Variants in KDM4B observed in about 807,000 individuals in gnomAD.
The protein encoded by KDM4B is lysine demethylase 4B, also known as lysine-specific demethylase 4B.
A neutral mutation model predicts 125.2 loss-of-function variants in KDM4B; 32 were observed. The ratio of observed to expected loss-of-function variants is 0.26; its 90% confidence interval spans 0.19 to 0.34. The LOEUF (loss-of-function observed/expected upper bound fraction) is 0.34. KDM4B is among the 10% of genes least tolerant of loss of function. KDM4B has a pLI of 1.00. For synonymous variants in KDM4B, 721 were observed against 677.9 expected (o/e 1.06, Z -0.99); for missense variants, 1,190 against 1,577.7 (o/e 0.75, Z 4.16).
At chr19:5,106,403 A>G (rs2613740) in intron 9 of KDM4B, among the ~76,000 whole-genome samples, 91,770 of 152,104 alleles carry the variant, frequency 0.6, 27,939 homozygotes, top group African/African-American at 0.69. Context: ...TCCACGTTGC[A>G]CCCGTCATCT....
At chr19:5,073,731 CT>C (rs1480158631) in intron 7 of KDM4B, among the ~76,000 whole-genome samples, 2 of 152,158 alleles carry the variant, frequency 1.3e-5, no homozygotes, top group Non-Finnish European at 2.9e-5. Flanking sequence ...GGTTTGGTTT[CT>C]AAGTGTGCAG....
At chr19:5,117,237 G>C (rs893209244) in intron 10 of KDM4B, among the ~76,000 whole-genome samples, 17 of 151,692 alleles carry the variant, frequency 1.1e-4, no homozygotes, top group African/African-American at 3.9e-4. Context: ...ACACAGTAAG[G>C]CTTGAAGGCC....
At chr19:4,987,649 G>C (rs576865719) in intron 1 of KDM4B, among the ~76,000 whole-genome samples, 16 of 152,306 alleles carry the variant, frequency 1.1e-4, no homozygotes, top group African/African-American at 2.9e-4. Context: ...TGAGGGGCTT[G>C]TCCGGGATGG....
At chr19:5,014,757 A>G (rs1363620071) in intron 1 of KDM4B, among the ~76,000 whole-genome samples, 1 of 151,876 alleles carries the variant, frequency 6.6e-6, no homozygotes, top group Non-Finnish European at 1.5e-5. Flanking sequence ...CAACTTCGGG[A>G]GGCCGAGGTG....
rs563221209 is a variant in KDM4B at position 5,143,862 on chromosome 19, C to T, written c.2551-105C>T. On this transcript the variant is annotated intron_variant, in intron 18 of 22. Transcript: ENST00000159111. Reference sequence around the variant, plus strand: ...ACTGGGCAGAGCGCAGGGCCACTCCCGCGATGCCTCCCTTGAAGGCTGTGC... The same window carrying T: ...ACTGGGCAGAGCGCAGGGCCACTCCTGCGATGCCTCCCTTGAAGGCTGTGC... The T allele has an allele frequency of 7.1e-5, 66 of 926,282 alleles. No homozygotes were observed. The South Asian group carries it at 8.1e-4, about 11-fold the overall frequency. 57.4% of individuals were successfully genotyped at this position (926,282 alleles called of 1,614,324 possible). A position where few individuals can be genotyped will look rare whatever the true frequency, so the allele number is the denominator to read the frequency against.
chr19:5,143,983 G>T lies in KDM4B; in HGVS notation c.2567G>T (p.Arg856Leu), dbSNP rs151210479. Residue 856 changes from arginine to leucine, a missense_variant, in exon 19 of 23, where the codon CGG (arginine) becomes CTG (leucine). By Grantham distance (102) the Arg-to-Leu change is moderately radical (BLOSUM62 -2). Transcript: ENST00000159111. ...CATCCCCAGAAATGCGTGTACTGCC[G>T]GAAGCGGATGAAGAAGGTGTCAGGT... The part of the protein sequence containing the change: ...QRWKLKCVYC[R>L]KRMKKVSGAC... 1.3e-6 allele frequency: 2 copies of T among 1,586,136 alleles called. No homozygotes were observed. The highest frequency in any genetic ancestry group is 1.7e-6 in the Non-Finnish European group (2 of 1,157,986).
chr19:5,085,613 C>T (rs1005870561), intron 9 of KDM4B, among the ~76,000 whole-genome samples: 3 of 152,228 alleles, frequency 2.0e-5, no homozygotes, highest in African/African-American at 7.2e-5. Flanking sequence ...GTGCAGCGCT[C>T]GAAACACACC....
At chr19:5,018,276 C>T (rs1420438449) in intron 2 of KDM4B, among the ~76,000 whole-genome samples, 2 of 152,240 alleles carry the variant, frequency 1.3e-5, no homozygotes, top group Non-Finnish European at 2.9e-5. Flanking sequence ...GATCCTCCCA[C>T]CTCAACCTCC....
intron 1 of KDM4B, among the ~76,000 whole-genome samples, chr19:5,006,298 G>T (rs1235333049): frequency 2.6e-5 from 4 of 151,996 alleles, no homozygotes; most frequent in Non-Finnish European, 5.9e-5. Flanking sequence ...GGGCTTGTGG[G>T]GGCTTCACTT....
rs75118439 is a variant in KDM4B at position 4,992,107 on chromosome 19, G to A, written c.-109+22877G>A. ...CTGGGGGCGACAGAGTGGAAGCAGAGTGAGTTCCTTTGTGTTGACGGAACA... is the reference window on the plus strand; with the variant it reads ...CTGGGGGCGACAGAGTGGAAGCAGAATGAGTTCCTTTGTGTTGACGGAACA... On this transcript the variant is annotated intron_variant, in intron 1 of 22. Coordinates refer to ENST00000159111, the MANE Select transcript of KDM4B (RefSeq NM_015015.3). Among the ~76,000 whole-genome samples, 925 of 152,272 alleles carry A rather than the reference G, an allele frequency of 6.1e-3. 8 individuals carry two copies. Among genetic ancestry groups the A allele is most frequent in the African/African-American group, 0.021 (889 of 41,558 alleles).
rs756815986 is a variant in KDM4B, at chr19:5,114,009, G to A, written c.1115+3191G>A. 7.1e-6 allele frequency: 9 copies of A among 1,271,834 alleles called. No individual in the cohort carries two copies. The South Asian group carries it at 8.9e-5, about 13-fold the overall frequency. 78.8% of individuals were successfully genotyped at this position (1,271,834 alleles called of 1,614,324 possible). A position where few individuals can be genotyped will look rare whatever the true frequency, so the allele number is the denominator to read the frequency against. ...TAAATCTCGTTGAGCGAGCGTTGGG[G>A]GCTGTTTGTATTCTTCCCCCTGATG... On this transcript the variant is annotated intron_variant, in intron 10 of 22. Transcript: ENST00000159111. The surrounding 1 kb of genome is among the most constrained non-coding windows in gnomAD (Gnocchi z 5.8).
At chr19:4,969,705 T>A (rs1301967254) in intron 1 of KDM4B, among the ~76,000 whole-genome samples, 1 of 151,504 alleles carries the variant, frequency 6.6e-6, no homozygotes, top group Non-Finnish European at 1.5e-5. Context: ...TTTCTGGCCC[T>A]TTGGGCGCCA....
At chr19:5,045,724 T>C (rs887104867) in intron 5 of KDM4B, among the ~76,000 whole-genome samples, 3 of 152,184 alleles carry the variant, frequency 2.0e-5, no homozygotes, top group African/African-American at 7.2e-5. Context: ...CTGCCCGCCT[T>C]GGCCTCCCAA....
At chr19:5,100,405 TTTGTTGTTG>T (rs141464434) in intron 9 of KDM4B, among the ~76,000 whole-genome samples, 11 of 152,174 alleles carry the variant, frequency 7.2e-5, no homozygotes, top group Admixed American at 3.9e-4. Context: ...CTTTTTTGTT[TTTGTTGTTG>T]TTGTTGTTGT....
intron 6 of KDM4B, among the ~76,000 whole-genome samples, chr19:5,065,100 C>T (rs1235939305): frequency 6.6e-6 from 1 of 152,238 alleles, no homozygotes; most frequent in Non-Finnish European, 1.5e-5. Flanking sequence ...GCAGTGCCCA[C>T]AGGCGAAGCA....
rs1030788577 is a variant in KDM4B, at chr19:5,065,791, G to A, written c.627-5219G>A. ...CATCCCCTCCTCTGCACGGCCGGGGGCTTCTGGGGCCCATGGCAAAGGTTC... is the reference window on the plus strand; with the variant it reads ...CATCCCCTCCTCTGCACGGCCGGGGACTTCTGGGGCCCATGGCAAAGGTTC... On this transcript the variant is annotated intron_variant, in intron 6 of 22. Transcript: ENST00000159111. Among the ~76,000 whole-genome samples, 10 of 152,350 alleles carry A rather than the reference G, an allele frequency of 6.6e-5. No individual in the cohort carries two copies. The East Asian group carries it at 1.5e-3, about 24-fold the overall frequency.
chr19:5,119,722 G>A lies in KDM4B; in HGVS notation c.1185G>A (p.Thr395=), dbSNP rs775548410. 21 of 1,551,586 alleles carry A rather than the reference G, an allele frequency of 1.4e-5. No homozygotes were observed. The highest frequency in any genetic ancestry group is 4.1e-5 in the African/African-American group (3 of 73,088). Residue 395 remains threonine, a synonymous_variant, in exon 11 of 23, where the codon ACG becomes ACA. Transcript: ENST00000159111. ...PEDPKFPGEG[T]AGAALLEEAG... ...ACCCCAAGTTCCCTGGGGAGGGTAC[G>A]GCTGGGGCAGCGCTCCTAGAGGAGG...
At chr19:5,091,193 G>GA (rs1426658104) in intron 9 of KDM4B, among the ~76,000 whole-genome samples, 1 of 152,234 alleles carries the variant, frequency 6.6e-6, no homozygotes, top group African/African-American at 2.4e-5. Flanking sequence ...GGTGCTGGTA[G>GA]ATAAGGGTCT....
chr19:5,132,041 G>T, intron 13 of KDM4B, 34 bp downstream of exon 13: 5 of 1,563,208 alleles, frequency 3.2e-6, no homozygotes, highest in Non-Finnish European at 4.3e-6. Flanking sequence ...GCTCTCATCA[G>T]CCCTGCTCCG....
Sources: allele counts gnomAD v4.1 joint callset (sites outside exome capture counted in the v4.1 genomes callset), GRCh38; gene constraint gnomAD v4.1.1; non-coding constraint Gnocchi (gnomAD v3.1); transcripts MANE v1.5; gene names NCBI Gene and HGNC (gene_info 2026-07-23, HGNC 2026-07-21).